The following CELF1 variants were observed in gnomAD, a reference collection of about 807,000 sequenced individuals.
CELF1 encodes the protein CUGBP Elav-like family member 1.
A neutral mutation model predicts 61.8 loss-of-function variants in CELF1; 10 were observed. That is an observed-to-expected ratio of 0.16 (90% CI 0.10 to 0.27). The LOEUF is 0.27. CELF1 is among the 10% of genes least tolerant of loss of function. The pLI is 1.00. For synonymous variants in CELF1, 236 were observed against 225.1 expected (o/e 1.05, Z -0.43); for missense variants, 380 against 639.1 (o/e 0.59, Z 4.37).
At chr11:47,552,689 T>C (rs2097172063) in intron 1 of CELF1, among the ~76,000 whole-genome samples, 1 of 152,168 alleles carries the variant, frequency 6.6e-6, no homozygotes, top group Non-Finnish European at 1.5e-5. Context: ...ACGAGGCCTC[T>C]GAGCCTAGAG....
intron 1 of CELF1, among the ~76,000 whole-genome samples, chr11:47,510,288 C>G (rs1229415009): frequency 1.3e-5 from 2 of 152,308 alleles, no homozygotes; most frequent in South Asian, 4.1e-4. Flanking sequence ...TTAGTGTTTT[C>G]TACTGGCCTA....
At chr11:47,506,604 G>C (rs1349290555) in intron 1 of CELF1, among the ~76,000 whole-genome samples, 3 of 152,228 alleles carry the variant, frequency 2.0e-5, no homozygotes, top group Admixed American at 6.5e-5. Flanking sequence ...ACAGCTGTAA[G>C]AACTAGGAAG....
At chr11:47,551,390 C>T (rs1306731437) in intron 1 of CELF1, among the ~76,000 whole-genome samples, 1 of 152,186 alleles carries the variant, frequency 6.6e-6, no homozygotes, top group Non-Finnish European at 1.5e-5. Context: ...ACCAACAGTG[C>T]TGCTTCAATC....
rs1296657673 is a variant in CELF1, at chr11:47,472,056, G to A, written c.*174C>T. The A allele has an allele frequency of 1.1e-5, 8 of 713,812 alleles. No individual in the cohort carries two copies. Among genetic ancestry groups the A allele is most frequent in the East Asian group, 5.0e-5 (2 of 39,860 alleles). The allele number at this position is 713,812 out of a possible 1,614,324, so 44.2% of individuals were successfully genotyped here. A position where few individuals can be genotyped will look rare whatever the true frequency, so the allele number is the denominator to read the frequency against. The stretch of plus-strand genomic sequence containing the variant: ...CACAAACTTGTCCTCTGTACGAAGC[G>A]AAACTCCCACAGAAGGCAGTAGCCG... On this transcript the variant is annotated 3_prime_UTR_variant, in exon 15 of 15. Transcript: ENST00000687097.
At chr11:47,487,063 T>TC in intron 5 of CELF1, 96 bp downstream of exon 5, 4 of 985,582 alleles carry the variant, frequency 4.1e-6, no homozygotes, top group Non-Finnish European at 6.3e-6. Context: ...AGTTACCTTT[T>TC]CCCCAAAATG....
intron 1 of CELF1, chr11:47,524,006 T>C (rs994967428): frequency 2.6e-5 from 4 of 152,166 alleles, no homozygotes; most frequent in African/African-American, 9.7e-5. Flanking sequence ...CAAAAGGCAT[T>C]ACAAGGCCTC....
chr11:47,504,818 C>T lies in CELF1; in HGVS notation c.-153-3886G>A, dbSNP rs540848484. On this transcript the variant is annotated intron_variant, in intron 1 of 14. Transcript: ENST00000687097. Reference sequence around the variant, plus strand: ...TTGGGAGGCTGAGACAGGAGAATCGCTTGAACCCAGGAGGCGGAGGTTGCA... The same window carrying T: ...TTGGGAGGCTGAGACAGGAGAATCGTTTGAACCCAGGAGGCGGAGGTTGCA... Among the ~76,000 whole-genome samples, 7 of 148,518 alleles carry T rather than the reference C, an allele frequency of 4.7e-5. No individual in the cohort carries two copies. In the East Asian group the frequency reaches 1.4e-3, roughly 29 times the overall value.
intron 1 of CELF1, among the ~76,000 whole-genome samples, chr11:47,527,951 C>G (rs368427813): frequency 1.3e-5 from 2 of 152,102 alleles, no homozygotes; most frequent in Non-Finnish European, 2.9e-5. Context: ...CAAAAATTAG[C>G]TGGGCGTGGT....
At chr11:47,555,529 G>T (rs1021791436), upstream of CELF1, among the ~76,000 whole-genome samples, 883 of 152,182 alleles carry the variant, frequency 5.8e-3, 10 homozygotes, top group African/African-American at 0.019. Flanking sequence ...GCCCAAGGTT[G>T]GGGGGAAGAA....
chr11:47,555,299 G>A (rs1158684867), upstream of CELF1, among the ~76,000 whole-genome samples: 1 of 152,148 alleles, frequency 6.6e-6, no homozygotes, highest in Non-Finnish European at 1.5e-5. Context: ...GATATTTCTT[G>A]AAGAGCAAAC....
intron 1 of CELF1, among the ~76,000 whole-genome samples, chr11:47,549,162 C>T (rs2153752507): frequency 6.6e-6 from 1 of 152,250 alleles, no homozygotes; most frequent in Middle Eastern, 3.4e-3. Context: ...ACTGGCAAGA[C>T]TGTAAAATGG....
At chr11:47,485,688 T>G (rs1307397569) in intron 6 of CELF1, among the ~76,000 whole-genome samples, 1 of 150,840 alleles carries the variant, frequency 6.6e-6, no homozygotes, top group Non-Finnish European at 1.5e-5. Flanking sequence ...TCCAAGCGAT[T>G]CTCCTGTCTC....
chr11:47,488,715 T>G (rs1219885081), intron 4 of CELF1, 122 bp downstream of exon 4: 1 of 678,246 alleles, frequency 1.5e-6, no homozygotes, highest in East Asian at 3.0e-5. Context: ...ACAGAGAGAA[T>G]GCACATGAAA....
At chr11:47,482,007 A>C (rs1359459217) in intron 9 of CELF1, among the ~76,000 whole-genome samples, 1 of 152,194 alleles carries the variant, frequency 6.6e-6, no homozygotes, top group Non-Finnish European at 1.5e-5. Flanking sequence ...GTTCGAGACC[A>C]GCCTGGCCAA....
intron 3 of CELF1, among the ~76,000 whole-genome samples, chr11:47,489,930 A>ATTTTTTTTTTTTTTTTTTTTTT (rs1373680793): frequency 3.6e-5 from 1 of 28,106 alleles, no homozygotes; most frequent in Non-Finnish European, 7.2e-5. Flanking sequence ...AGAACATACC[A>ATTTTTTTTTTTTTTTTTTTTTT]TCTTGTTTTT....
chr11:47,473,353 TG>T lies in CELF1; in HGVS notation c.1274-123del, dbSNP rs2078503956. On this transcript the variant is annotated intron_variant, in intron 13 of 14. Coordinates refer to ENST00000687097, the MANE Select transcript of CELF1 (RefSeq NM_001376376.1). The stretch of plus-strand genomic sequence containing the variant: ...CAATCCCTAAAAACAGAGATTCATC[TG>T]GGGAACTAAACAGATTCTCTAAATA... The T allele has an allele frequency of 6.7e-6, 6 of 899,126 alleles. No homozygotes were observed. The Admixed American group carries it at 1.3e-4, about 19-fold the overall frequency. 55.7% of individuals were successfully genotyped at this position (899,126 alleles called of 1,614,324 possible).
chr11:47,558,581 A>ATATT (rs1565921593), intron 2 of CELF1, among the ~76,000 whole-genome samples: 4 of 113,724 alleles, frequency 3.5e-5, no homozygotes, highest in Non-Finnish European at 4.9e-5. Context: ...ATAAATATAT[A>ATATT]TATATATTTA....
chr11:47,552,638 G>A (rs1024799452), intron 1 of CELF1, among the ~76,000 whole-genome samples: 3 of 152,228 alleles, frequency 2.0e-5, no homozygotes, highest in African/African-American at 7.2e-5. Flanking sequence ...CAGCACGGCA[G>A]CCAGAAAGAC....
chr11:47,477,116 G>C, intron 11 of CELF1, 157 bp from the exon 12 acceptor site: 1 of 869,258 alleles, frequency 1.2e-6, no homozygotes, highest in South Asian at 1.7e-5. Flanking sequence ...AATGGCCACA[G>C]CACATTGAAA....
Sources: allele counts gnomAD v4.1 joint callset (sites outside exome capture counted in the v4.1 genomes callset), GRCh38; gene constraint gnomAD v4.1.1; transcripts MANE v1.5; gene names NCBI Gene and HGNC (gene_info 2026-07-23, HGNC 2026-07-21).